CDC42SE2: variants seen among roughly 807,000 people sequenced by gnomAD.
The protein encoded by CDC42SE2 is CDC42 small effector protein 2.
A neutral mutation model predicts 11.5 loss-of-function variants in CDC42SE2; 3 were observed. The ratio of observed to expected loss-of-function variants is 0.26; its 90% confidence interval spans 0.12 to 0.67. The LOEUF is 0.67. Among genes scored for constraint, CDC42SE2 ranks in the 30% least tolerant of loss-of-function variants. CDC42SE2 has a pLI of 0.80. For missense variants in CDC42SE2, 82 were observed against 106.8 expected (o/e 0.77, Z 1.02); for synonymous variants, 33 against 34.8 (o/e 0.95, Z 0.18).
At chr5:131,353,247 C>T (rs1414515499) in intron 2 of CDC42SE2, among the ~76,000 whole-genome samples, 3 of 151,658 alleles carry the variant, frequency 2.0e-5, no homozygotes, top group East Asian at 1.9e-4. Flanking sequence ...GGATTACAGG[C>T]GTGAATCAAC....
At chr5:131,285,481 G>C (rs956779763) in intron 1 of CDC42SE2, among the ~76,000 whole-genome samples, 24 of 152,104 alleles carry the variant, frequency 1.6e-4, no homozygotes, top group African/African-American at 5.8e-4. Flanking sequence ...TTTTTCACAT[G>C]GACCTAAGCA....
rs76753289 is a variant in CDC42SE2, at chr5:131,295,240, G to A, written c.-454-20736G>A. 9.7e-3 allele frequency among the ~76,000 whole-genome samples: 1,464 copies of A among 151,166 alleles called. 25 individuals are homozygous for A. The highest frequency in any genetic ancestry group is 0.034 in the African/African-American group (1,383 of 41,166). On this transcript the variant is annotated intron_variant, in intron 1 of 4. Coordinates refer to ENST00000505065, the MANE Select transcript of CDC42SE2 (RefSeq NM_001375635.1). ...GGAGGTTGCAGTAAGCTGAGTTGAT[G>A]CCATTGCACTCCAGCCTGGGTGACA... is the stretch of plus-strand genomic sequence containing the variant.
intron 1 of CDC42SE2, among the ~76,000 whole-genome samples, chr5:131,293,073 C>A (rs1207943596): frequency 6.6e-6 from 1 of 152,190 alleles, no homozygotes; most frequent in East Asian, 1.9e-4. Context: ...ATGCTCTGAT[C>A]TGAATATTTG....
intron 1 of CDC42SE2, among the ~76,000 whole-genome samples, chr5:131,312,696 C>T (rs1047116169): frequency 3.3e-5 from 5 of 152,160 alleles, no homozygotes; most frequent in Admixed American, 2.0e-4. Context: ...GGGAGTGACC[C>T]GATTTTCCAG....
At chr5:131,272,372 T>TTTTAATACCTCTCGTCAAAC in intron 1 of CDC42SE2, among the ~76,000 whole-genome samples, 1 of 152,266 alleles carries the variant, frequency 6.6e-6, no homozygotes, top group South Asian at 2.1e-4. Flanking sequence ...CACAGATTAC[T>TTTTAATACCTCTCGTCAAAC]TTTAATACCT....
chr5:131,337,738 G>A (rs1348233771), intron 2 of CDC42SE2, among the ~76,000 whole-genome samples: 2 of 152,206 alleles, frequency 1.3e-5, no homozygotes, highest in Admixed American at 1.3e-4. Context: ...AGCAATGAGC[G>A]AGGCTCCGTG....
At chr5:131,334,207 A>G (rs1580760373) in intron 2 of CDC42SE2, among the ~76,000 whole-genome samples, 1 of 152,318 alleles carries the variant, frequency 6.6e-6, no homozygotes, top group Admixed American at 6.5e-5. Flanking sequence ...TCTTTTCTGC[A>G]TCTGTTGAGA....
chr5:131,328,491 C>A (rs561016183), intron 2 of CDC42SE2, among the ~76,000 whole-genome samples: 29 of 151,960 alleles, frequency 1.9e-4, no homozygotes, highest in Non-Finnish European at 3.1e-4. Context: ...GTTTCATTTC[C>A]CTCCCTCTTT....
intron 3 of CDC42SE2, among the ~76,000 whole-genome samples, chr5:131,384,586 C>G (rs894296227): frequency 1.3e-5 from 2 of 152,018 alleles, no homozygotes; most frequent in Non-Finnish European, 2.9e-5. Flanking sequence ...ATTATCATAT[C>G]TAAGGGATCA....
intron 2 of CDC42SE2, among the ~76,000 whole-genome samples, chr5:131,351,400 G>GGGCA: frequency 6.6e-6 from 1 of 152,138 alleles, no homozygotes; most frequent in Admixed American, 6.5e-5. Flanking sequence ...GACTACAGGT[G>GGGCA]CCTGCCACCA....
At chr5:131,281,155 G>A (rs1485575436) in intron 1 of CDC42SE2, among the ~76,000 whole-genome samples, 1 of 152,196 alleles carries the variant, frequency 6.6e-6, no homozygotes, top group African/African-American at 2.4e-5. Flanking sequence ...GACCGCTGAT[G>A]TCTTGCCTTC....
chr5:131,302,965 G>A (rs979624917), intron 1 of CDC42SE2, among the ~76,000 whole-genome samples: 3 of 151,924 alleles, frequency 2.0e-5, no homozygotes, highest in Non-Finnish European at 4.4e-5. Flanking sequence ...ACACTTTTAT[G>A]GTCTTGGAAT....
At chr5:131,366,050 A>G (rs1018349593) in intron 3 of CDC42SE2, among the ~76,000 whole-genome samples, 1 of 152,236 alleles carries the variant, frequency 6.6e-6, no homozygotes, top group Non-Finnish European at 1.5e-5. Flanking sequence ...AAAACATCAT[A>G]GAAGACTGAT....
intron 1 of CDC42SE2, among the ~76,000 whole-genome samples, 162 bp downstream of exon 1, chr5:131,264,328 C>T (rs919985224): frequency 6.6e-5 from 10 of 152,264 alleles, no homozygotes; most frequent in African/African-American, 2.4e-4. Flanking sequence ...GCTGAGCCTG[C>T]GTCTTCCATT....
chr5:131,367,039 T>A (rs956443507), intron 3 of CDC42SE2, among the ~76,000 whole-genome samples: 5 of 151,220 alleles, frequency 3.3e-5, no homozygotes, highest in African/African-American at 1.2e-4. Flanking sequence ...AAAACAAATT[T>A]TTTATATATA....
At chr5:131,326,277 G>C (rs1758299949) in intron 2 of CDC42SE2, among the ~76,000 whole-genome samples, 2 of 151,938 alleles carry the variant, frequency 1.3e-5, no homozygotes. Flanking sequence ...CTAATTTTTT[G>C]TATTTTTAAT....
In CDC42SE2 at chr5:131,368,047, A is replaced by G. The variant is rs969616526; in HGVS notation, c.54+8500A>G. Among the ~76,000 whole-genome samples the G allele has an allele frequency of 2.0e-5, 3 of 152,070 alleles. No homozygotes were observed. In the East Asian group the frequency reaches 5.8e-4, roughly 29 times the overall value. On this transcript the variant is annotated intron_variant, in intron 3 of 4. Transcript: ENST00000505065. ...GGAGGGTTGATCACGAGGTCAGGAG[A>G]TCGAGACTGTCCTGGCTAACACGGT...
At position 131,321,722 on chromosome 5, in the gene CDC42SE2, C is replaced by T. The variant is rs185755287; in HGVS notation, c.-286+5578C>T. On this transcript the variant is annotated intron_variant, in intron 2 of 4. Transcript: ENST00000505065. ...TGGGAAACTTAATTCTATCTTCCCC[C>T]CCGCCAAAATCATCAAGCGTCGTAC... 2.6e-5 allele frequency among the ~76,000 whole-genome samples: 4 copies of T among 152,116 alleles called. No individual in the cohort carries two copies. In the South Asian group the frequency reaches 8.3e-4, roughly 32 times the overall value.
chr5:131,359,999 T>C (rs552993200), intron 3 of CDC42SE2, among the ~76,000 whole-genome samples: 7 of 152,320 alleles, frequency 4.6e-5, no homozygotes, highest in African/African-American at 1.7e-4. Context: ...GTTCAGTTTT[T>C]TGCCCAAAGT....
Sources: gnomAD v4.1 joint callset for allele counts (sites outside exome capture counted in the v4.1 genomes callset) on GRCh38, gnomAD v4.1.1 for gene constraint, MANE v1.5 for transcripts, NCBI Gene and HGNC (gene_info 2026-07-23, HGNC 2026-07-21) for gene names.